The following EIF4B variants were observed in gnomAD, a reference collection of about 807,000 sequenced individuals.
EIF4B encodes the protein eukaryotic translation initiation factor 4B.
A neutral mutation model predicts 79.3 loss-of-function variants in EIF4B; 8 were observed. The observed-to-expected ratio is 0.10, with a 90% CI of 0.06 to 0.18. The LOEUF is 0.18. Ranked by LOEUF, EIF4B falls within the 10% of genes least tolerant of loss-of-function variation. EIF4B has a pLI of 1.00. For synonymous variants in EIF4B, 238 were observed against 274.7 expected, an observed-to-expected ratio of 0.87 and a Z score of 1.32; for missense variants, 515 against 792.4, an observed-to-expected ratio of 0.65 and a Z score of 4.20.
chr12:53,016,930 A>G (rs937405314), intron 2 of EIF4B, among the ~76,000 whole-genome samples: 3 of 152,090 alleles, frequency 2.0e-5, no homozygotes, highest in African/African-American at 7.2e-5. Flanking sequence ...AATTCCTTTT[A>G]GGTCTAAAAT....
chr12:53,016,442 T>C, intron 1 of EIF4B, 31 bp from the exon 2 acceptor site: 2 of 1,611,600 alleles, frequency 1.2e-6, no homozygotes, highest in South Asian at 1.1e-5. Flanking sequence ...TGAGTATTGG[T>C]GAATAATCTT....
intron 1 of EIF4B, among the ~76,000 whole-genome samples, chr12:53,014,140 A>AG (rs1943110708): frequency 6.6e-6 from 1 of 151,988 alleles, no homozygotes; most frequent in Non-Finnish European, 1.5e-5. Flanking sequence ...AAAAGAAAAA[A>AG]GAAAAAGCAG....
At chr12:53,009,005 A>T (rs1011942160) in intron 1 of EIF4B, among the ~76,000 whole-genome samples, 4 of 152,242 alleles carry the variant, frequency 2.6e-5, no homozygotes, top group African/African-American at 9.6e-5. Context: ...ATTGCACTCC[A>T]GCCTGGGCAA....
intron 12 of EIF4B, 122 bp downstream of exon 12, chr12:53,038,533 G>A: frequency 2.1e-6 from 2 of 936,194 alleles, no homozygotes; most frequent in South Asian, 2.3e-5. Flanking sequence ...TTCTTGGGTT[G>A]GCCAGGCGCA....
At chr12:53,007,562 A>G (rs906649302) in intron 1 of EIF4B, among the ~76,000 whole-genome samples, 4 of 151,196 alleles carry the variant, frequency 2.6e-5, no homozygotes, top group Non-Finnish European at 5.9e-5. Flanking sequence ...TGCAAGTCTA[A>G]TTACATTTCT....
intron 8 of EIF4B, among the ~76,000 whole-genome samples, chr12:53,030,983 C>G (rs1299990725): frequency 6.6e-6 from 1 of 151,966 alleles, no homozygotes; most frequent in Non-Finnish European, 1.5e-5. Context: ...TTTTTTATTT[C>G]TCTTCTTGCT....
intron 1 of EIF4B, among the ~76,000 whole-genome samples, chr12:53,010,611 A>G (rs1173003467): frequency 6.6e-6 from 1 of 152,070 alleles, no homozygotes; most frequent in African/African-American, 2.4e-5. Flanking sequence ...TTAGGGAAAC[A>G]TTTGTTATTC....
Position 53,006,928 on chromosome 12 carries a change from T to TG in EIF4B, c.13+438dup, listed in dbSNP as rs545345098. Reference sequence around the variant, plus strand: ...GGCGCGAGGCTGTAGCGGACCGGAGTGGGGGGTAGGGGAGTAAGTGTGGTG... The same window carrying TG: ...GGCGCGAGGCTGTAGCGGACCGGAGTGGGGGGGTAGGGGAGTAAGTGTGGTG... On this transcript the variant is annotated intron_variant, in intron 1 of 14. Transcript: ENST00000262056. Among the ~76,000 whole-genome samples, 4 of 49,826 alleles carry TG rather than the reference T, an allele frequency of 8.0e-5. 1 individual carries two copies. In the Admixed American group the frequency reaches 8.1e-4, roughly 10 times the overall value. The allele number at this position is 49,826 out of a possible 152,430, so 32.7% of individuals were successfully genotyped here.
intron 8 of EIF4B, among the ~76,000 whole-genome samples, chr12:53,030,409 T>C (rs571550241): frequency 5.2e-5 from 6 of 116,006 alleles, no homozygotes; most frequent in South Asian, 6.2e-4. Flanking sequence ...TAAAAAATTA[T>C]ATTCTTTTTT....
chr12:53,034,514 T>G (rs556933080), intron 9 of EIF4B, 98 bp from the exon 10 acceptor site: 1 of 1,086,934 alleles, frequency 9.2e-7, no homozygotes, highest in Non-Finnish European at 1.4e-6. Flanking sequence ...TATACACATA[T>G]AGATGAAGTA....
chr12:53,006,542 C>G (rs1565752332), intron 1 of EIF4B, 46 bp downstream of exon 1: 1 of 1,612,966 alleles, frequency 6.2e-7, no homozygotes, highest in Non-Finnish European at 8.5e-7. Context: ...TCTGAAACCC[C>G]CCTCCGAGCG....
chr12:53,007,824 C>T (rs1055285145), intron 1 of EIF4B, among the ~76,000 whole-genome samples: 2 of 152,184 alleles, frequency 1.3e-5, no homozygotes, highest in African/African-American at 4.8e-5. Context: ...TAACGCTTGA[C>T]AGTTGACCAA....
rs71095967 is a variant in EIF4B at position 53,027,137 on chromosome 12, A to ATTTTTTTTTTTTT, written c.668-637_668-625dup. Among the ~76,000 whole-genome samples, 47 of 25,742 alleles carry ATTTTTTTTTTTTT rather than the reference A, an allele frequency of 1.8e-3. 2 individuals are homozygous for ATTTTTTTTTTTTT. The highest frequency in any genetic ancestry group is 0.014 in the South Asian group (5 of 348). The allele number at this position is 25,742 out of a possible 152,430, so 16.9% of individuals were successfully genotyped here. A position where few individuals can be genotyped will look rare whatever the true frequency, so the allele number is the denominator to read the frequency against. On this transcript the variant is annotated intron_variant, in intron 6 of 14. Coordinates refer to ENST00000262056, the MANE Select transcript of EIF4B (RefSeq NM_001417.7). The stretch of plus-strand genomic sequence containing the variant: ...AGACTGTCTCTCAAAAAAAAAAAAA[A>ATTTTTTTTTTTTT]TTTTTTTTTTTTTTTTTTTTGAGAC...
chr12:53,007,309 TACTC>T (rs1270426973), intron 1 of EIF4B, among the ~76,000 whole-genome samples: 1 of 152,046 alleles, frequency 6.6e-6, no homozygotes, highest in African/African-American at 2.4e-5. Flanking sequence ...TTTTTTCTCA[TACTC>T]AATTGGAGGC....
intron 9 of EIF4B, 47 bp from the exon 10 acceptor site, chr12:53,034,565 C>T (rs769279559): frequency 6.2e-7 from 1 of 1,605,284 alleles, no homozygotes; most frequent in Non-Finnish European, 8.5e-7. Flanking sequence ...CTAAGGTGGC[C>T]TTCACTGAGC....
intron 6 of EIF4B, among the ~76,000 whole-genome samples, chr12:53,024,204 C>T (rs894543365): frequency 2.0e-5 from 3 of 152,072 alleles, no homozygotes; most frequent in Non-Finnish European, 4.4e-5. Context: ...AATTATGCAA[C>T]TTTATTAAAA....
intron 8 of EIF4B, among the ~76,000 whole-genome samples, chr12:53,029,794 C>T (rs1943403555): frequency 6.6e-6 from 1 of 152,152 alleles, no homozygotes; most frequent in Non-Finnish European, 1.5e-5. Flanking sequence ...TAATAAAACA[C>T]AGTGAGATGA....
intron 1 of EIF4B, among the ~76,000 whole-genome samples, chr12:53,009,490 G>C (rs796748499): frequency 1.4e-5 from 1 of 71,072 alleles, no homozygotes; most frequent in African/African-American, 4.2e-5. Flanking sequence ...GCGAGACTCC[G>C]TCTCAAAAAA....
At chr12:53,019,433 ATATATT>A (rs1478816200) in intron 3 of EIF4B, among the ~76,000 whole-genome samples, 2 of 32,910 alleles carry the variant, frequency 6.1e-5, no homozygotes, top group Non-Finnish European at 8.3e-5. Context: ...TTATATATAT[ATATATT>A]TTTTTTTTTT....
Sources: allele counts gnomAD v4.1 joint callset (sites outside exome capture counted in the v4.1 genomes callset), GRCh38; gene constraint gnomAD v4.1.1; transcripts MANE v1.5; gene names NCBI Gene and HGNC (gene_info 2026-07-23, HGNC 2026-07-21).